Variants in MBTPS1 observed in about 807,000 individuals in gnomAD.
The protein encoded by MBTPS1 is membrane-bound transcription factor site-1 protease.
In MBTPS1, 94 loss-of-function variants were observed where a neutral mutation model predicts 127.8. The observed-to-expected ratio is 0.74, with a 90% confidence interval of 0.62 to 0.87. MBTPS1 has a LOEUF of 0.87. Ranked by LOEUF, MBTPS1 falls within the 40% of genes least tolerant of loss-of-function variation. MBTPS1 has a pLI of 0.00. For synonymous variants in MBTPS1, 632 were observed against 509.4 expected (o/e 1.24, Z -3.24); for missense variants, 1,636 against 1,353.2 (o/e 1.21, Z -3.28).
At chr16:84,078,038 T>C (rs2085886738) in intron 11 of MBTPS1, among the ~76,000 whole-genome samples, 1 of 152,140 alleles carries the variant, frequency 6.6e-6, no homozygotes, top group African/African-American at 2.4e-5. Context: ...ACCAATCAGA[T>C]TTGTAAAAAT....
chr16:84,076,991 C>T (rs994236946), intron 11 of MBTPS1, among the ~76,000 whole-genome samples: 5 of 151,988 alleles, frequency 3.3e-5, no homozygotes, highest in East Asian at 1.9e-4. Flanking sequence ...TTTGGGAGGC[C>T]GAGGCGGGAG....
chr16:84,091,667 G>A (rs377326857), intron 7 of MBTPS1, 65 bp downstream of exon 7: 34 of 1,078,660 alleles, frequency 3.2e-5, no homozygotes, highest in South Asian at 2.8e-4. Context: ...TAGATATGAT[G>A]CAAAGTTGGG....
In MBTPS1 at chr16:84,074,604, A is replaced by G. The variant is rs778977485; in HGVS notation, c.1586T>C (p.Val529Ala). ...GTCAGAGAGAAGTTTCACCTTATCT[A>G]CAATTCTTCCTGTGACTCCCATGCC... is the stretch of plus-strand genomic sequence containing the variant. The part of the protein sequence containing the change: ...LNGMGVTGRI[V>A]DKPDWQPYLP... The change falls in exon 12 of 23, where the codon GTA (valine) becomes GCA (alanine). Residue 529 changes from valine to alanine, a missense_variant. Transcript: ENST00000343411. 2 of 1,613,782 alleles carry G rather than the reference A, an allele frequency of 1.2e-6. No homozygotes were observed. The highest frequency in any genetic ancestry group is 2.2e-5 in the East Asian group (1 of 44,898).
intron 18 of MBTPS1, among the ~76,000 whole-genome samples, chr16:84,064,218 A>G (rs1312203009): frequency 6.6e-6 from 1 of 151,858 alleles, no homozygotes; most frequent in Non-Finnish European, 1.5e-5. Flanking sequence ...TGTTGATAAC[A>G]TCTGAAATGT....
chr16:84,077,754 A>C lies in MBTPS1; in HGVS notation c.1449-3013T>G, dbSNP rs184652508. Among the ~76,000 whole-genome samples the C allele has an allele frequency of 3.8e-3, 575 of 152,370 alleles. 4 individuals are homozygous for C. Among genetic ancestry groups the C allele is most frequent in the African/African-American group, 0.013 (539 of 41,586 alleles). Reference sequence around the variant, plus strand: ...TGAAGAGTAACAAATGTGACTATTAAAAAACAACTGCATGGCAAAAACACC... The same window carrying C: ...TGAAGAGTAACAAATGTGACTATTACAAAACAACTGCATGGCAAAAACACC... On this transcript the variant is annotated intron_variant, in intron 11 of 22. Coordinates refer to ENST00000343411, the MANE Select transcript of MBTPS1 (RefSeq NM_003791.4).
intron 9 of MBTPS1, among the ~76,000 whole-genome samples, chr16:84,087,132 T>TC (rs1288524073): frequency 6.6e-6 from 1 of 152,124 alleles, no homozygotes. Flanking sequence ...CAGCCGGTGC[T>TC]CATCACAGCA....
At chr16:84,097,880 G>C (rs1401314777) in intron 3 of MBTPS1, among the ~76,000 whole-genome samples, 2 of 150,888 alleles carry the variant, frequency 1.3e-5, no homozygotes, top group Non-Finnish European at 3.0e-5. Flanking sequence ...GTTTGTGTGT[G>C]TGTTTAATGC....
chr16:84,098,445 T>A (rs2086208685), intron 3 of MBTPS1, among the ~76,000 whole-genome samples: 1 of 151,990 alleles, frequency 6.6e-6, no homozygotes, highest in African/African-American at 2.4e-5. Flanking sequence ...ACCCTGTCTC[T>A]ACTAAAAATA....
At chr16:84,072,560 G>C (rs2085785956) in intron 12 of MBTPS1, among the ~76,000 whole-genome samples, 2 of 152,208 alleles carry the variant, frequency 1.3e-5, no homozygotes, top group Non-Finnish European at 1.5e-5. Context: ...GGGAGGGCAA[G>C]GCGGGAGGGT....
In MBTPS1 at chr16:84,067,779, C is replaced by A; in HGVS notation, c.2116G>T (p.Glu706Ter). The A allele has an allele frequency of 6.2e-7, 1 of 1,614,024 alleles. No homozygotes were observed. Among genetic ancestry groups the A allele is most frequent in the Non-Finnish European group, 8.5e-7 (1 of 1,179,854 alleles). ...ACGTCCCTCCGGAGCTTGGCGATCT[C>A]TTCAGGGAAGTACTCCTCCTCACTG... ...VDSEEEYFPE[E>*]IAKLRRDVDN... Residue 706 changes from glutamate to a stop codon, truncating the protein, a stop_gained, in exon 16 of 23, where the codon GAG becomes TAG. Coordinates refer to ENST00000343411, the MANE Select transcript of MBTPS1 (RefSeq NM_003791.4). LOFTEE classifies it high-confidence loss of function.
chr16:84,059,345 A>C lies in MBTPS1; in HGVS notation c.2788T>G (p.Leu930Val). Residue 930 changes from leucine (L) to valine (V), a missense_variant, in exon 21 of 23, where the codon TTG (leucine) becomes GTG (valine). Leu to Val is a conservative substitution (Grantham distance 32). Transcript: ENST00000343411. ...AAAGGCTGTGGCTTGGCCCAAGACAAGCGTGGACAGGCTGGTAGAGGCCGA... is the reference window on the plus strand; with the variant it reads ...AAAGGCTGTGGCTTGGCCCAAGACACGCGTGGACAGGCTGGTAGAGGCCGA... ...KPRPLPACPR[L>V]SWAKPQPLNE... 1 of 1,614,168 alleles carries C rather than the reference A, an allele frequency of 6.2e-7. No individual in the cohort carries two copies. Among genetic ancestry groups the C allele is most frequent in the Middle Eastern group, 1.7e-4 (1 of 6,060 alleles).
chr16:84,060,503 G>C (rs2085593512), intron 20 of MBTPS1, 179 bp downstream of exon 20: 9 of 625,780 alleles, frequency 1.4e-5, no homozygotes, highest in Non-Finnish European at 2.4e-5. Flanking sequence ...GGGGACTAAG[G>C]ATGGCCTCTC....
chr16:84,090,553 C>CACTT (rs1245281230), intron 8 of MBTPS1, among the ~76,000 whole-genome samples: 1 of 152,188 alleles, frequency 6.6e-6, no homozygotes, highest in African/African-American at 2.4e-5. Flanking sequence ...CTAATAGATT[C>CACTT]ACTTTTCTGA....
intron 8 of MBTPS1, among the ~76,000 whole-genome samples, chr16:84,089,945 G>A (rs1410361251): frequency 6.6e-6 from 1 of 152,102 alleles, no homozygotes; most frequent in East Asian, 1.9e-4. Context: ...CTATAGCGAG[G>A]GTATGTTCAT....
chr16:84,098,693 C>A (rs968576741), intron 3 of MBTPS1, among the ~76,000 whole-genome samples: 16 of 152,078 alleles, frequency 1.1e-4, no homozygotes, highest in Non-Finnish European at 1.9e-4. Context: ...GACACAAGGA[C>A]GCGTCTTTCA....
chr16:84,101,595 C>G (rs1224668345), intron 2 of MBTPS1, 26 bp downstream of exon 2: 2 of 1,576,428 alleles, frequency 1.3e-6, no homozygotes, highest in African/African-American at 2.7e-5. Flanking sequence ...GATGGGAGTT[C>G]CTAATACTTA....
At chr16:84,104,673 T>C (rs181345189) in intron 1 of MBTPS1, among the ~76,000 whole-genome samples, 11 of 152,324 alleles carry the variant, frequency 7.2e-5, no homozygotes, top group Admixed American at 6.5e-4. Context: ...GGTAAGAAAT[T>C]TTAACACAGC....
chr16:84,054,676 G>C (rs374725136), intron 22 of MBTPS1, 31 bp from the exon 23 acceptor site: 72 of 1,514,736 alleles, frequency 4.8e-5, no homozygotes, highest in Middle Eastern at 1.9e-4. Flanking sequence ...GAACAGGCAG[G>C]AACGCCACAG....
chr16:84,097,885 T>C (rs1403501055), intron 3 of MBTPS1, among the ~76,000 whole-genome samples: 1 of 151,796 alleles, frequency 6.6e-6, no homozygotes, highest in Non-Finnish European at 1.5e-5. Flanking sequence ...TGTGTGTGTT[T>C]AATGCAGCAA....
Sources: allele counts gnomAD v4.1 joint callset (sites outside exome capture counted in the v4.1 genomes callset), GRCh38; gene constraint gnomAD v4.1.1; transcripts MANE v1.5; gene names NCBI Gene and HGNC (gene_info 2026-07-23, HGNC 2026-07-21).